NOS1AP: variants seen among roughly 807,000 people sequenced by gnomAD.
NOS1AP encodes carboxyl-terminal PDZ ligand of neuronal nitric oxide synthase protein.
Under a neutral mutation model 56.2 loss-of-function variants are expected in NOS1AP, and 21 were observed. That is an observed-to-expected ratio of 0.37 (90% CI 0.26 to 0.54). The LOEUF is 0.54. NOS1AP is among the 20% of genes least tolerant of loss of function. NOS1AP has a pLI of 0.84. For missense variants in NOS1AP, 522 were observed against 657.8 expected (o/e 0.79, Z 2.26); for synonymous variants, 270 against 274.6 (o/e 0.98, Z 0.17).
At chr1:162,125,729 T>C (rs187318057) in intron 1 of NOS1AP, among the ~76,000 whole-genome samples, 36 of 152,322 alleles carry the variant, frequency 2.4e-4, no homozygotes, top group African/African-American at 8.4e-4. Context: ...TTGTTCTTTT[T>C]GCTTAGGATT....
chr1:162,307,723 G>A (rs1413618364), intron 4 of NOS1AP, among the ~76,000 whole-genome samples: 3 of 151,918 alleles, frequency 2.0e-5, no homozygotes, highest in African/African-American at 4.8e-5. Context: ...AGGCAGGAGA[G>A]TGGCGTGAAC....
chr1:162,251,447 G>A (rs906265237), intron 2 of NOS1AP, among the ~76,000 whole-genome samples: 4 of 152,042 alleles, frequency 2.6e-5, no homozygotes, highest in African/African-American at 4.8e-5. Flanking sequence ...CTATTACTGA[G>A]CAAAAGGGGC....
chr1:162,263,649 A>G (rs1654309739), intron 2 of NOS1AP, among the ~76,000 whole-genome samples: 1 of 151,620 alleles, frequency 6.6e-6, no homozygotes, highest in Non-Finnish European at 1.5e-5. Flanking sequence ...AGGCAATCTC[A>G]TGCACATTCA....
chr1:162,254,529 T>TCCA (rs2101696926), intron 2 of NOS1AP, among the ~76,000 whole-genome samples: 1 of 152,320 alleles, frequency 6.6e-6, no homozygotes, highest in Non-Finnish European at 1.5e-5. Flanking sequence ...AGCTGGCTCC[T>TCCA]CCACCACTTT....
At chr1:162,133,335 C>G (rs994040176) in intron 1 of NOS1AP, among the ~76,000 whole-genome samples, 17 of 152,184 alleles carry the variant, frequency 1.1e-4, no homozygotes, top group African/African-American at 3.6e-4. Context: ...TATCCTTTAT[C>G]TGTCTTATCT....
chr1:162,303,988 T>A (rs1655741464), intron 4 of NOS1AP, among the ~76,000 whole-genome samples: 1 of 151,308 alleles, frequency 6.6e-6, no homozygotes, highest in South Asian at 2.1e-4. Context: ...TGTTAATTTT[T>A]AAAATTTTAT....
intron 2 of NOS1AP, among the ~76,000 whole-genome samples, chr1:162,235,203 T>C (rs1447823651): frequency 6.6e-6 from 1 of 152,190 alleles, no homozygotes; most frequent in Non-Finnish European, 1.5e-5. Context: ...TCTGAAAGCT[T>C]TTCCCCCATA....
chr1:162,108,098 A>G (rs941876613), intron 1 of NOS1AP, among the ~76,000 whole-genome samples: 2 of 152,238 alleles, frequency 1.3e-5, no homozygotes, highest in Admixed American at 6.5e-5. Flanking sequence ...CCCAGTAACA[A>G]TGAGCATTCC....
chr1:162,360,009 C>T (rs1472111941), intron 8 of NOS1AP, among the ~76,000 whole-genome samples: 2 of 136,126 alleles, frequency 1.5e-5, no homozygotes, highest in Admixed American at 7.3e-5. Flanking sequence ...TTTATGTCGT[C>T]CCCCCCCCAC....
intron 2 of NOS1AP, among the ~76,000 whole-genome samples, chr1:162,200,456 A>G (rs1651957277): frequency 6.6e-6 from 1 of 152,158 alleles, no homozygotes; most frequent in African/African-American, 2.4e-5. Flanking sequence ...TGGGTCCATG[A>G]AAATAGTTTG....
chr1:162,273,160 C>CT (rs11429407), intron 2 of NOS1AP, among the ~76,000 whole-genome samples: 60,200 of 106,310 alleles, frequency 0.57, 18,388 homozygotes, highest in Non-Finnish European at 0.68. Flanking sequence ...AGCCCTTGTT[C>CT]TTTTTTTTTT....
intron 1 of NOS1AP, among the ~76,000 whole-genome samples, chr1:162,087,658 T>C (rs965632075): frequency 6.6e-6 from 1 of 152,160 alleles, no homozygotes; most frequent in African/African-American, 2.4e-5. Flanking sequence ...CATGATTCTA[T>C]ATTTGATTCT....
At chr1:162,154,538 C>T in intron 2 of NOS1AP, 62 bp downstream of exon 2, 1 of 1,551,254 alleles carries the variant, frequency 6.4e-7, no homozygotes, top group Non-Finnish European at 8.9e-7. Flanking sequence ...GCTGGCCCTT[C>T]TAGGTAGGGC....
chr1:162,190,523 T>C (rs1317154483), intron 2 of NOS1AP, among the ~76,000 whole-genome samples: 1 of 152,212 alleles, frequency 6.6e-6, no homozygotes, highest in Non-Finnish European at 1.5e-5. Flanking sequence ...GGGTATATAA[T>C]GATATCTTAA....
chr1:162,197,641 A>G (rs1651851323), intron 2 of NOS1AP, among the ~76,000 whole-genome samples: 1 of 152,104 alleles, frequency 6.6e-6, no homozygotes, highest in Non-Finnish European at 1.5e-5. Flanking sequence ...CCTTTACCCA[A>G]CCCTTTTCAG....
At chr1:162,154,808 G>A (rs147937943) in intron 2 of NOS1AP, among the ~76,000 whole-genome samples, 59 of 152,180 alleles carry the variant, frequency 3.9e-4, no homozygotes, top group Admixed American at 1.7e-3. Flanking sequence ...TAGGGAAAAG[G>A]TTTAGTAATG....
chr1:162,079,006 A>C (rs936362631), intron 1 of NOS1AP, among the ~76,000 whole-genome samples: 1 of 152,152 alleles, frequency 6.6e-6, no homozygotes, highest in Non-Finnish European at 1.5e-5. Flanking sequence ...ATGTATTTTG[A>C]ATGAAAGAGA....
At chr1:162,270,362 C>T (rs1428436483) in intron 2 of NOS1AP, among the ~76,000 whole-genome samples, 5 of 152,136 alleles carry the variant, frequency 3.3e-5, no homozygotes, top group African/African-American at 7.2e-5. Flanking sequence ...ACCTATATAG[C>T]GCTTGCCTGC....
intron 1 of NOS1AP, among the ~76,000 whole-genome samples, chr1:162,085,413 T>C (rs1438438277): frequency 2.0e-5 from 3 of 152,080 alleles, no homozygotes; most frequent in Non-Finnish European, 4.4e-5. Context: ...AATTTAAGAA[T>C]CATAGGGTGA....
Sources: gnomAD v4.1 joint callset for allele counts (sites outside exome capture counted in the v4.1 genomes callset) on GRCh38, gnomAD v4.1.1 for gene constraint, MANE v1.5 for transcripts, NCBI Gene and HGNC (gene_info 2026-07-23, HGNC 2026-07-21) for gene names.